Variants in UBXN2A observed in about 807,000 individuals in gnomAD.
The protein encoded by UBXN2A is UBX domain protein 2A, also known as UBX domain-containing protein 2A.
Under a neutral mutation model 28.4 loss-of-function variants are expected in UBXN2A, and 28 were observed. The observed-to-expected ratio is 0.99, with a 90% CI of 0.73 to 1.35. UBXN2A has a LOEUF of 1.35. Among genes scored for constraint, UBXN2A ranks in the 40% most tolerant of loss-of-function variants. The pLI, the probability that UBXN2A is intolerant of heterozygous loss-of-function variation, is 0.00. For synonymous variants in UBXN2A, 97 were observed against 103.6 expected (o/e 0.94, Z 0.39); for missense variants, 253 against 297.9 (o/e 0.85, Z 1.11).
At chr2:23,977,154 A>G in intron 4 of UBXN2A, 79 bp downstream of exon 4, 1 of 1,124,162 alleles carries the variant, frequency 8.9e-7, no homozygotes, top group South Asian at 1.3e-5. Context: ...GCCTGAGCTC[A>G]GGAGTTCAAG....
chr2:23,947,328 T>A (rs1706136233), intron 1 of UBXN2A, among the ~76,000 whole-genome samples: 1 of 152,236 alleles, frequency 6.6e-6, no homozygotes, highest in Non-Finnish European at 1.5e-5. Flanking sequence ...TTTGGGATAG[T>A]ATTTGAGAAG....
At chr2:23,978,734 C>T (rs1707776333) in intron 4 of UBXN2A, among the ~76,000 whole-genome samples, 2 of 151,866 alleles carry the variant, frequency 1.3e-5, no homozygotes, top group Non-Finnish European at 2.9e-5. Context: ...GAGGCGGAGG[C>T]GGGTGGATCA....
intron 1 of UBXN2A, chr2:23,943,857 C>A: frequency 5.3e-6 from 2 of 377,408 alleles, no homozygotes; most frequent in South Asian, 5.0e-5. Flanking sequence ...TGGCTGCACT[C>A]TTGCTGAGAC....
intron 1 of UBXN2A, among the ~76,000 whole-genome samples, chr2:23,941,963 G>A (rs1019889897): frequency 2.6e-5 from 4 of 152,152 alleles, no homozygotes; most frequent in Non-Finnish European, 5.9e-5. Flanking sequence ...TGTAATCCCA[G>A]CTACTCAGAA....
Position 23,956,506 on chromosome 2 carries a change from C to T in UBXN2A, c.-14-1795C>T, listed in dbSNP as rs1473910467. Among the ~76,000 whole-genome samples the T allele has an allele frequency of 2.0e-5, 3 of 152,030 alleles. No individual in the cohort carries two copies. In the East Asian group the frequency reaches 5.8e-4, roughly 29 times the overall value. On this transcript the variant is annotated intron_variant, in intron 1 of 6. Coordinates refer to ENST00000309033, the MANE Select transcript of UBXN2A (RefSeq NM_181713.4). The stretch of plus-strand genomic sequence containing the variant: ...TAGCTGGGATTACTTGCGCCGACCA[C>T]CATGCCTGGCTAATTTTTGTATTTT...
chr2:23,969,972 T>G (rs1408989132), intron 2 of UBXN2A, among the ~76,000 whole-genome samples: 1 of 152,212 alleles, frequency 6.6e-6, no homozygotes, highest in Non-Finnish European at 1.5e-5. Context: ...TAATCCCTTT[T>G]AAAGTCATTT....
intron 6 of UBXN2A, among the ~76,000 whole-genome samples, chr2:23,998,720 CA>C (rs905665147): frequency 6.6e-5 from 10 of 151,492 alleles, no homozygotes; most frequent in African/African-American, 1.9e-4. Flanking sequence ...GACTCCATCT[CA>C]AAAAAAAGAA....
rs116669881 is a variant in UBXN2A at position 23,976,755 on chromosome 2, A to G, written c.181-214A>G. On this transcript the variant is annotated intron_variant, in intron 3 of 6. Transcript: ENST00000309033. ...CAGCCAAACCATATCAATGATTTTG[A>G]TTTTTTGTGGAAACTGGGTCTCGCT... Among the ~76,000 whole-genome samples the G allele has an allele frequency of 3.3e-3, 507 of 152,126 alleles. 3 individuals are homozygous for G. Among genetic ancestry groups the G allele is most frequent in the African/African-American group, 0.012 (490 of 41,500 alleles).
Position 24,002,474 on chromosome 2 carries a change from G to C in UBXN2A, c.*2607G>C, listed in dbSNP as rs942243326. ...CCCCCAGACTAGAGTGCAATGGCGC[G>C]ATCTTGGCTCACTGCAACTTGTCCC... On this transcript the variant is annotated 3_prime_UTR_variant, in exon 7 of 7. Coordinates refer to ENST00000309033, the MANE Select transcript of UBXN2A (RefSeq NM_181713.4). 1 of 151,824 alleles carries C rather than the reference G, an allele frequency of 6.6e-6. No homozygotes were observed. Among genetic ancestry groups the C allele is most frequent in the African/African-American group, 2.4e-5 (1 of 41,356 alleles). The allele number at this position is 151,824 out of a possible 1,614,324, so 9.4% of individuals were successfully genotyped here. A position where few individuals can be genotyped will look rare whatever the true frequency, so the allele number is the denominator to read the frequency against.
Position 24,004,684 on chromosome 2 carries a change from A to C in UBXN2A, c.*4817A>C, listed in dbSNP as rs886179432. ...AAAGAAAAAAAGAAATACATATCTA[A>C]TGTTACAGATTGTGGTTTATTGGTT... On this transcript the variant is annotated 3_prime_UTR_variant, in exon 7 of 7. Coordinates refer to ENST00000309033, the MANE Select transcript of UBXN2A (RefSeq NM_181713.4). 3 of 152,190 alleles carry C rather than the reference A, an allele frequency of 2.0e-5. No individual in the cohort carries two copies. The highest frequency in any genetic ancestry group is 7.2e-5 in the African/African-American group (3 of 41,456). 9.4% of individuals were successfully genotyped at this position (152,190 alleles called of 1,614,324 possible). A position where few individuals can be genotyped will look rare whatever the true frequency, so the allele number is the denominator to read the frequency against.
At chr2:23,956,110 T>A (rs1409478694) in intron 1 of UBXN2A, among the ~76,000 whole-genome samples, 1 of 151,768 alleles carries the variant, frequency 6.6e-6, no homozygotes, top group Non-Finnish European at 1.5e-5. Flanking sequence ...GTGATCCAAC[T>A]GCCTCGGCCT....
Position 24,004,269 on chromosome 2 carries a change from A to G in UBXN2A, c.*4402A>G, listed in dbSNP as rs1277334819. On this transcript the variant is annotated 3_prime_UTR_variant, in exon 7 of 7. Coordinates refer to ENST00000309033, the MANE Select transcript of UBXN2A (RefSeq NM_181713.4). ...CTAAGGGAAGGAAAACTTGAAAATA[A>G]TCACCTTAGATGGGGCATACAATTT... 2 of 152,222 alleles carry G rather than the reference A, an allele frequency of 1.3e-5. No homozygotes were observed. The highest frequency in any genetic ancestry group is 2.9e-5 in the Non-Finnish European group (2 of 68,038). The allele number at this position is 152,222 out of a possible 1,614,324, so 9.4% of individuals were successfully genotyped here.
chr2:23,968,929 T>C (rs1432124745), intron 2 of UBXN2A: 1 of 148,442 alleles, frequency 6.7e-6, no homozygotes, highest in East Asian at 2.0e-4. Context: ...AGTCTCTCTC[T>C]GTCGCCAGGC....
In UBXN2A at chr2:23,987,663, A is replaced by T. The variant is rs565678670; in HGVS notation, c.584+2832A>T. Among the ~76,000 whole-genome samples, 4 of 151,988 alleles carry T rather than the reference A, an allele frequency of 2.6e-5. No homozygotes were observed. In the South Asian group the frequency reaches 8.3e-4, roughly 32 times the overall value. On this transcript the variant is annotated intron_variant, in intron 6 of 6. Coordinates refer to ENST00000309033, the MANE Select transcript of UBXN2A (RefSeq NM_181713.4). ...CGTGGTGGCAAGTGCCTGTAGTCCC[A>T]GCTACTCGGGAGGCTGAGGCAGGAG...
In UBXN2A at chr2:24,001,460, T is replaced by A. The variant is rs779960532; in HGVS notation, c.*1593T>A. On this transcript the variant is annotated 3_prime_UTR_variant, in exon 7 of 7. Coordinates refer to ENST00000309033, the MANE Select transcript of UBXN2A (RefSeq NM_181713.4). ...CCATACCTGAAAATAAGTTTAACAT[T>A]TTTTTTTGCAAATGATCTATTGAAT... The A allele has an allele frequency of 1.3e-5, 2 of 151,720 alleles. No homozygotes were observed. The highest frequency in any genetic ancestry group is 6.6e-5 in the Admixed American group (1 of 15,230). The allele number at this position is 151,720 out of a possible 1,614,324, so 9.4% of individuals were successfully genotyped here.
At chr2:23,955,825 T>C (rs1706594247) in intron 1 of UBXN2A, among the ~76,000 whole-genome samples, 1 of 152,234 alleles carries the variant, frequency 6.6e-6, no homozygotes, top group Non-Finnish European at 1.5e-5. Flanking sequence ...CAAAATGTTG[T>C]TACACAGTGT....
chr2:23,957,312 T>A (rs1406504005), intron 1 of UBXN2A, among the ~76,000 whole-genome samples: 1 of 151,988 alleles, frequency 6.6e-6, no homozygotes, highest in Non-Finnish European at 1.5e-5. Flanking sequence ...TGGCTAACTT[T>A]TTTTTTCTGA....
In UBXN2A at chr2:24,003,884, CAT is replaced by C. The variant is rs1457592017; in HGVS notation, c.*4020_*4021del. 6.6e-6 allele frequency: 1 copy of C among 152,126 alleles called. No homozygotes were observed. The highest frequency in any genetic ancestry group is 1.9e-4 in the East Asian group (1 of 5,198). 9.4% of individuals were successfully genotyped at this position (152,126 alleles called of 1,614,324 possible). ...TTTTTATTTGCATAATTATAGTCAA[CAT>C]ATGATTCTCCATGTAGGGGTCTCTC... On this transcript the variant is annotated 3_prime_UTR_variant, in exon 7 of 7. Transcript: ENST00000309033.
intron 1 of UBXN2A, among the ~76,000 whole-genome samples, chr2:23,948,234 A>G (rs1706187508): frequency 6.6e-6 from 1 of 150,740 alleles, no homozygotes; most frequent in Non-Finnish European, 1.5e-5. Flanking sequence ...TTAAGTCTGA[A>G]GATGTTTCTT....
Sources: allele counts gnomAD v4.1 joint callset (sites outside exome capture counted in the v4.1 genomes callset), GRCh38; gene constraint gnomAD v4.1.1; transcripts MANE v1.5; gene names NCBI Gene and HGNC (gene_info 2026-07-23, HGNC 2026-07-21).